The following LRP1B variants were observed in gnomAD, a reference collection of about 807,000 sequenced individuals.
LRP1B encodes the protein LDL receptor related protein 1B.
Under a neutral mutation model 556.6 loss-of-function variants are expected in LRP1B, and 217 were observed. That is an observed-to-expected ratio of 0.39 (90% confidence interval 0.35 to 0.44). The LOEUF (loss-of-function observed/expected upper bound fraction) is 0.44. Ranked by LOEUF, LRP1B falls within the 20% of genes least tolerant of loss-of-function variation. LRP1B has a pLI of 1.00. For synonymous variants in LRP1B, 2,047 were observed against 1,865.8 expected (o/e 1.10, Z -2.50); for missense variants, 5,053 against 5,620.8 (o/e 0.90, Z 3.23).
chr2:140,582,146 G>A (rs898353984), intron 43 of LRP1B, among the ~76,000 whole-genome samples: 12 of 152,040 alleles, frequency 7.9e-5, no homozygotes, highest in South Asian at 6.2e-4. Flanking sequence ...CTCATTTACC[G>A]CGTATTTGAT....
At chr2:141,163,469 T>C (rs1389391268) in intron 7 of LRP1B, among the ~76,000 whole-genome samples, 1 of 152,038 alleles carries the variant, frequency 6.6e-6, no homozygotes, top group East Asian at 1.9e-4. Context: ...ATAAGGAAGA[T>C]GCCCGGAAAA....
intron 2 of LRP1B, among the ~76,000 whole-genome samples, chr2:141,689,543 T>A (rs1312169667): frequency 1.7e-5 from 2 of 115,018 alleles, no homozygotes; most frequent in African/African-American, 5.4e-5. Flanking sequence ...GCTATTGCTT[T>A]ATTGTATATT....
intron 3 of LRP1B, among the ~76,000 whole-genome samples, chr2:141,463,553 ATATAATATATAT>A (rs1682004364): frequency 5.4e-5 from 1 of 18,470 alleles, no homozygotes; most frequent in African/African-American, 1.5e-4. Context: ...ATATAATTAT[ATATAATATATAT>A]TATATATTAT....
chr2:141,336,818 T>C (rs1687864007), intron 3 of LRP1B, among the ~76,000 whole-genome samples: 2 of 152,194 alleles, frequency 1.3e-5, no homozygotes, highest in African/African-American at 4.8e-5. Context: ...ATAAAACTTT[T>C]AAGACTGACC....
intron 66 of LRP1B, among the ~76,000 whole-genome samples, chr2:140,410,474 G>A (rs1684926503): frequency 6.6e-6 from 1 of 151,870 alleles, no homozygotes; most frequent in Non-Finnish European, 1.5e-5. Context: ...TAATAAGCCT[G>A]CTTGCCTCCT....
At chr2:141,948,440 CATT>C (rs1267014737) in intron 1 of LRP1B, among the ~76,000 whole-genome samples, 10 of 152,036 alleles carry the variant, frequency 6.6e-5, no homozygotes, top group African/African-American at 2.4e-4. Context: ...GACCCAGTAA[CATT>C]ATGCCAGACC....
intron 66 of LRP1B, among the ~76,000 whole-genome samples, chr2:140,428,593 G>T (rs1028413767): frequency 6.6e-6 from 1 of 152,096 alleles, no homozygotes; most frequent in Non-Finnish European, 1.5e-5. Context: ...AGATCTTCTC[G>T]GCTTAGTGGC....
chr2:140,843,096 TTTTG>T (rs1559151684), intron 29 of LRP1B, among the ~76,000 whole-genome samples: 1 of 31,860 alleles, frequency 3.1e-5, no homozygotes. Context: ...TTTTTTTTTT[TTTTG>T]TTTTTTTTTT....
chr2:141,769,062 T>G (rs1321087066), intron 2 of LRP1B, among the ~76,000 whole-genome samples: 2 of 152,148 alleles, frequency 1.3e-5, no homozygotes, highest in Non-Finnish European at 2.9e-5. Context: ...ATGACAACTA[T>G]CTGTAATTCA....
chr2:140,585,810 C>G (rs1681960970), intron 43 of LRP1B, among the ~76,000 whole-genome samples: 1 of 152,152 alleles, frequency 6.6e-6, no homozygotes, highest in Admixed American at 6.5e-5. Context: ...TTAGACAACA[C>G]AATCAACCAT....
chr2:141,361,588 G>T (rs528406365), intron 3 of LRP1B, among the ~76,000 whole-genome samples: 1 of 152,254 alleles, frequency 6.6e-6, no homozygotes, highest in South Asian at 2.1e-4. Flanking sequence ...CTCAGTATTG[G>T]AAATCATACT....
chr2:140,757,634 A>C (rs1427830425), intron 35 of LRP1B, among the ~76,000 whole-genome samples: 1 of 152,226 alleles, frequency 6.6e-6, no homozygotes, highest in Non-Finnish European at 1.5e-5. Context: ...GTGATCCCAC[A>C]CTTTGGGAGG....
intron 32 of LRP1B, among the ~76,000 whole-genome samples, chr2:140,805,837 A>T: frequency 6.6e-6 from 1 of 152,208 alleles, no homozygotes; most frequent in East Asian, 1.9e-4. Context: ...TAAGAATTAT[A>T]TATGTGCTTG....
At chr2:141,979,338 T>C (rs567168575) in intron 1 of LRP1B, among the ~76,000 whole-genome samples, 20 of 152,186 alleles carry the variant, frequency 1.3e-4, no homozygotes, top group African/African-American at 4.6e-4. Context: ...ATTTCATTAG[T>C]GCTTGAACAA....
chr2:140,814,603 T>C (rs1290989052), intron 31 of LRP1B, among the ~76,000 whole-genome samples: 1 of 152,238 alleles, frequency 6.6e-6, no homozygotes, highest in Non-Finnish European at 1.5e-5. Flanking sequence ...CTATTTTCCA[T>C]AAAATTTACT....
At chr2:140,612,855 G>A (rs891298625) in intron 41 of LRP1B, among the ~76,000 whole-genome samples, 2 of 151,824 alleles carry the variant, frequency 1.3e-5, no homozygotes, top group African/African-American at 4.8e-5. Flanking sequence ...ACTTTTTTTA[G>A]GAAGTGGAAG....
chr2:141,602,448 A>G (rs1687783217), intron 2 of LRP1B, among the ~76,000 whole-genome samples: 1 of 152,226 alleles, frequency 6.6e-6, no homozygotes, highest in South Asian at 2.1e-4. Flanking sequence ...AAAGATATTT[A>G]GAAAGTAATT....
At chr2:140,422,640 C>T (rs1402338202) in intron 66 of LRP1B, among the ~76,000 whole-genome samples, 2 of 151,984 alleles carry the variant, frequency 1.3e-5, no homozygotes, top group Non-Finnish European at 2.9e-5. Context: ...CAAAGGATAA[C>T]GTTAGGTTAT....
intron 1 of LRP1B, among the ~76,000 whole-genome samples, chr2:141,959,307 T>G (rs1701342364): frequency 6.6e-6 from 1 of 152,000 alleles, no homozygotes; most frequent in Admixed American, 6.6e-5. Flanking sequence ...AAGCCAGGGC[T>G]GCCCAAAGCA....
Sources: allele counts gnomAD v4.1 joint callset (sites outside exome capture counted in the v4.1 genomes callset), GRCh38; gene constraint gnomAD v4.1.1; transcripts MANE v1.5; gene names NCBI Gene and HGNC (gene_info 2026-07-23, HGNC 2026-07-21).